NCOA2: variants seen among roughly 807,000 people sequenced by gnomAD.
The protein encoded by NCOA2 is class E basic helix-loop-helix protein 75.
Under a neutral mutation model 145.1 loss-of-function variants are expected in NCOA2, and 21 were observed. The observed-to-expected ratio is 0.14, with a 90% CI of 0.10 to 0.21. The LOEUF (loss-of-function observed/expected upper bound fraction) is 0.21. NCOA2 is among the 10% of genes least tolerant of loss of function. The pLI, the probability that NCOA2 is intolerant of heterozygous loss-of-function variation, is 1.00. For missense variants in NCOA2, 1,472 were observed against 1,837.6 expected (o/e 0.80, Z 3.64); for synonymous variants, 619 against 637.5 (o/e 0.97, Z 0.44).
At chr8:70,309,130 C>T (rs1828108800) in intron 1 of NCOA2, among the ~76,000 whole-genome samples, 1 of 151,964 alleles carries the variant, frequency 6.6e-6, no homozygotes, top group Non-Finnish European at 1.5e-5. Flanking sequence ...GTGGAAAAGC[C>T]ATATGAAAAA....
At chr8:70,216,853 T>G in intron 2 of NCOA2, 89 bp from the exon 3 acceptor site, 1 of 822,784 alleles carries the variant, frequency 1.2e-6, no homozygotes, top group South Asian at 1.5e-5. Flanking sequence ...AAAAGAATTT[T>G]GACTCCAATC....
chr8:70,302,829 C>A (rs1429693697), intron 1 of NCOA2, among the ~76,000 whole-genome samples: 1 of 152,100 alleles, frequency 6.6e-6, no homozygotes, highest in African/African-American at 2.4e-5. Context: ...AAAAAAAATT[C>A]ATAGGCCATA....
At chr8:70,238,859 A>G (rs983019862) in intron 2 of NCOA2, among the ~76,000 whole-genome samples, 6 of 152,176 alleles carry the variant, frequency 3.9e-5, no homozygotes, top group African/African-American at 1.2e-4. Context: ...TACAGAACTT[A>G]GGTGGTTTAG....
chr8:70,303,541 T>C (rs900731530), intron 1 of NCOA2, among the ~76,000 whole-genome samples: 4 of 152,108 alleles, frequency 2.6e-5, no homozygotes, highest in African/African-American at 9.7e-5. Context: ...GGTTGAAGTG[T>C]TGACATGTGA....
At position 70,288,189 on chromosome 8, in the gene NCOA2, T is replaced by C. The variant is rs79829798; in HGVS notation, c.-20+8555A>G. 4.1e-3 allele frequency among the ~76,000 whole-genome samples: 625 copies of C among 152,314 alleles called. 4 individuals are homozygous for C. The highest frequency in any genetic ancestry group is 0.014 in the African/African-American group (593 of 41,576). ...ACTACTTGGCACATGATAAGCACAA[T>C]AGGCATGCTAGCTATTATAAATGAT... On this transcript the variant is annotated intron_variant, in intron 2 of 22. Transcript: ENST00000452400.
chr8:70,159,388 TG>T, intron 10 of NCOA2, 116 bp downstream of exon 10: 1 of 918,502 alleles, frequency 1.1e-6, no homozygotes. Context: ...TTTACATTAC[TG>T]GGATTGATGA....
intron 2 of NCOA2, among the ~76,000 whole-genome samples, chr8:70,225,675 C>T (rs1820568882): frequency 6.6e-6 from 1 of 152,072 alleles, no homozygotes; most frequent in Non-Finnish European, 1.5e-5. Flanking sequence ...AGGTAGCCAG[C>T]AAAGTCCTCT....
the NCOA2 span, among the ~76,000 whole-genome samples, chr8:70,419,674 C>A: frequency 6.6e-6 from 1 of 152,072 alleles, no homozygotes; most frequent in South Asian, 2.1e-4. Context: ...AACTCTTTAA[C>A]TCTCCTTTCC....
chr8:70,141,135 T>C, intron 14 of NCOA2, 49 bp downstream of exon 14: 4 of 1,528,308 alleles, frequency 2.6e-6, no homozygotes, highest in Non-Finnish European at 3.6e-6. Context: ...CGCTCTCTTT[T>C]CTAAGAGAGC....
chr8:70,281,420 T>C (rs973327356), intron 2 of NCOA2, among the ~76,000 whole-genome samples: 2 of 150,402 alleles, frequency 1.3e-5, no homozygotes, highest in Non-Finnish European at 3.0e-5. Flanking sequence ...TGAAAGACTC[T>C]GCAGTTGCAT....
chr8:70,302,945 C>A (rs1313703500), intron 1 of NCOA2, among the ~76,000 whole-genome samples: 1 of 152,094 alleles, frequency 6.6e-6, no homozygotes, highest in African/African-American at 2.4e-5. Flanking sequence ...AATAATATAT[C>A]CATCACACTC....
At chr8:70,267,604 G>A (rs1358628959) in intron 2 of NCOA2, among the ~76,000 whole-genome samples, 2 of 151,812 alleles carry the variant, frequency 1.3e-5, no homozygotes, top group African/African-American at 2.4e-5. Flanking sequence ...TAGAGATGGG[G>A]TTTCGCCATG....
chr8:70,159,236 A>ATACATATATATATATATATATATATATG (rs1554578475), intron 10 of NCOA2, among the ~76,000 whole-genome samples: 3 of 16,052 alleles, frequency 1.9e-4, no homozygotes, highest in Middle Eastern at 0.05. Flanking sequence ...ATATATATAT[A>ATACATATATATATATATATATATATATG]TATATATTTT....
At chr8:70,341,946 C>G (rs145634651) in intron 1 of NCOA2, among the ~76,000 whole-genome samples, 5 of 152,272 alleles carry the variant, frequency 3.3e-5, no homozygotes, top group African/African-American at 1.2e-4. Context: ...CTCTTTTTAT[C>G]TAAGACAACT....
intron 16 of NCOA2, among the ~76,000 whole-genome samples, chr8:70,130,883 T>C (rs1563495180): frequency 6.6e-6 from 1 of 152,254 alleles, no homozygotes; most frequent in African/African-American, 2.4e-5. Context: ...CAGGCTGCAC[T>C]GCTTCACACA....
the NCOA2 span, among the ~76,000 whole-genome samples, chr8:70,423,460 C>T: frequency 6.6e-6 from 1 of 152,108 alleles, no homozygotes; most frequent in Non-Finnish European, 1.5e-5. Context: ...TGGGATTGAG[C>T]CACCGCGCCT....
At chr8:70,365,820 AAT>A (rs1810638449) in intron 1 of NCOA2, among the ~76,000 whole-genome samples, 1 of 152,214 alleles carries the variant, frequency 6.6e-6, no homozygotes. Context: ...GAAATGAGTA[AAT>A]ATGACAATGA....
intron 4 of NCOA2, among the ~76,000 whole-genome samples, chr8:70,192,763 T>C (rs544704344): frequency 3.8e-4 from 58 of 152,276 alleles, no homozygotes; most frequent in Non-Finnish European, 6.6e-4. Context: ...GGGCTCTTTT[T>C]AACATCAATA....
chr8:70,180,623 G>A (rs1815367629), intron 4 of NCOA2, among the ~76,000 whole-genome samples: 1 of 152,096 alleles, frequency 6.6e-6, no homozygotes, highest in South Asian at 2.1e-4. Flanking sequence ...AAAATACAAG[G>A]AAAAAATATT....
Sources: allele counts gnomAD v4.1 joint callset (sites outside exome capture counted in the v4.1 genomes callset), GRCh38; gene constraint gnomAD v4.1.1; transcripts MANE v1.5; gene names NCBI Gene and HGNC (gene_info 2026-07-23, HGNC 2026-07-21).